The following STK4 variants were observed in gnomAD, a reference collection of about 807,000 sequenced individuals.
The protein encoded by STK4 is serine/threonine-protein kinase 4.
A neutral mutation model predicts 64.9 loss-of-function variants in STK4; 30 were observed. That is an observed-to-expected ratio of 0.46 (90% CI 0.35 to 0.63). The LOEUF (loss-of-function observed/expected upper bound fraction) is 0.63, where lower values mean the gene tolerates loss of function less well. Ranked by LOEUF, STK4 falls within the 20% of genes least tolerant of loss-of-function variation. The pLI, the probability that STK4 is intolerant of heterozygous loss-of-function variation, is 0.01. For synonymous variants in STK4, 177 were observed against 199.0 expected (o/e 0.89, Z 0.93); for missense variants, 466 against 598.5 (o/e 0.78, Z 2.31).
At position 44,995,198 on chromosome 20, in the gene STK4, A is replaced by G. The variant is rs2067706178; in HGVS notation, c.634A>G (p.Ile212Val). Residue 212 changes from isoleucine (I) to valine (V), a missense_variant, in exon 6 of 11, where the codon ATA becomes GTA. Around this residue, in one of 2 missense-constraint regions of STK4, gnomAD observed 190 missense variants for 289.7 expected, o/e 0.66. Transcript: ENST00000372806. ...TGTAGCAGACATCTGGTCCCTGGGA[A>G]TAACTGCCATAGAAATGGCTGAAGG... ...NCVADIWSLG[I>V]TAIEMAEGKP... is the part of the protein sequence containing the mutation. 1 of 1,613,824 alleles carries G rather than the reference A, an allele frequency of 6.2e-7. No individual in the cohort carries two copies. The highest frequency in any genetic ancestry group is 8.5e-7 in the Non-Finnish European group (1 of 1,179,926).
chr20:44,986,039 C>T (rs912687515), intron 4 of STK4, among the ~76,000 whole-genome samples: 1 of 152,220 alleles, frequency 6.6e-6, no homozygotes, highest in African/African-American at 2.4e-5. Context: ...CTAGCATTCT[C>T]ACTTTCAACA....
At chr20:45,053,317 T>A in intron 10 of STK4, 1 of 658,236 alleles carries the variant, frequency 1.5e-6, no homozygotes, top group Non-Finnish European at 2.6e-6. Flanking sequence ...CTGCGGTTTT[T>A]GACCTCAAGA....
Position 44,987,267 on chromosome 20 carries a change from G to A in STK4, c.496G>A (p.Ala166Thr), listed in dbSNP as rs1330083709. ...LLNTEGHAKL[A>T]DFGVAGQLTD... Reference sequence around the variant, plus strand: ...AAATACAGAAGGACATGCAAAACTTGCAGATTTTGGGGTAGCAGGTCAACT... The same window carrying A: ...AAATACAGAAGGACATGCAAAACTTACAGATTTTGGGGTAGCAGGTCAACT... The change falls in exon 5 of 11, where the codon GCA becomes ACA. Residue 166 changes from alanine to threonine, a missense_variant. By Grantham distance (58) the Ala-to-Thr change is moderately conservative. Transcript: ENST00000372806. 3.7e-6 allele frequency: 6 copies of A among 1,609,430 alleles called. No individual in the cohort carries two copies. Among genetic ancestry groups the A allele is most frequent in the Non-Finnish European group, 5.1e-6 (6 of 1,178,668 alleles).
intron 4 of STK4, among the ~76,000 whole-genome samples, chr20:44,986,067 C>T (rs2067525626): frequency 6.6e-6 from 1 of 152,244 alleles, no homozygotes; most frequent in East Asian, 1.9e-4. Flanking sequence ...TTTTCAGTGC[C>T]TACTGTGTGC....
chr20:45,000,587 G>A (rs1317239673), intron 8 of STK4, 67 bp downstream of exon 8: 2 of 1,597,554 alleles, frequency 1.3e-6, no homozygotes, highest in Middle Eastern at 1.7e-4. Context: ...GCCAAACCAG[G>A]TAAGATGAGT....
rs767621811 is a variant in STK4 at position 45,053,122 on chromosome 20, T to G, written c.1306-21896T>G. The G allele has an allele frequency of 1.9e-6, 3 of 1,612,838 alleles. No individual in the cohort carries two copies. The Admixed American group carries it at 5.0e-5, about 27-fold the overall frequency. On this transcript the variant is annotated intron_variant, in intron 10 of 10. Coordinates refer to ENST00000372806, the MANE Select transcript of STK4 (RefSeq NM_006282.5). ...AGAACAGCAGTCTGGAAAAGACATATGTATCCAAAATTGCCAGGGAAACCT... is the reference window on the plus strand; with the variant it reads ...AGAACAGCAGTCTGGAAAAGACATAGGTATCCAAAATTGCCAGGGAAACCT...
rs548482581 is a variant in STK4 at position 44,986,267 on chromosome 20, T to G, written c.361-865T>G. Among the ~76,000 whole-genome samples, 40 of 152,224 alleles carry G rather than the reference T, an allele frequency of 2.6e-4. 1 individual carries two copies. The Middle Eastern group carries it at 0.014, about 52-fold the overall frequency. On this transcript the variant is annotated intron_variant, in intron 4 of 10. Transcript: ENST00000372806. Reference sequence around the variant, plus strand: ...AGCTAGAAATGGAGTAAGAAAGCCCTCTCCATTTTCTGAGGAGGTGATATT... The same window carrying G: ...AGCTAGAAATGGAGTAAGAAAGCCCGCTCCATTTTCTGAGGAGGTGATATT...
At chr20:45,028,602 C>G (rs1444199186) in intron 10 of STK4, among the ~76,000 whole-genome samples, 1 of 152,170 alleles carries the variant, frequency 6.6e-6, no homozygotes, top group East Asian at 1.9e-4. Context: ...GCTAGGATTA[C>G]AGATATGAGC....
chr20:45,001,035 C>G (rs750268610), intron 8 of STK4, 132 bp from the exon 9 acceptor site: 1 of 999,390 alleles, frequency 1.0e-6, no homozygotes, highest in Non-Finnish European at 1.4e-6. Context: ...GCTTTCATTT[C>G]TGGAAGGTGA....
intron 9 of STK4, among the ~76,000 whole-genome samples, chr20:45,010,597 A>T (rs547885899): frequency 6.6e-6 from 1 of 152,320 alleles, no homozygotes; most frequent in African/African-American, 2.4e-5. Flanking sequence ...CATACTTGTG[A>T]TTATATAATG....
chr20:45,005,176 A>G (rs2067916087), intron 9 of STK4, among the ~76,000 whole-genome samples: 1 of 152,282 alleles, frequency 6.6e-6, no homozygotes, highest in South Asian at 2.1e-4. Context: ...GGCAAAGTGT[A>G]TGCATAAGTA....
chr20:45,024,906 T>C, intron 9 of STK4, 67 bp from the exon 10 acceptor site: 5 of 1,407,794 alleles, frequency 3.6e-6, no homozygotes, highest in Non-Finnish European at 4.7e-6. Context: ...TGGAGATATG[T>C]CTATTTATTA....
chr20:44,996,296 TC>T (rs2067728880), intron 6 of STK4, among the ~76,000 whole-genome samples: 1 of 152,088 alleles, frequency 6.6e-6, no homozygotes, highest in Non-Finnish European at 1.5e-5. Flanking sequence ...GGCTTAACTG[TC>T]CCAGAACCCT....
At chr20:44,980,592 AC>A (rs1434619703) in intron 3 of STK4, among the ~76,000 whole-genome samples, 1 of 152,254 alleles carries the variant, frequency 6.6e-6, no homozygotes, top group African/African-American at 2.4e-5. Context: ...TGTTTTTATT[AC>A]AAAGTACATA....
At chr20:45,011,645 A>T (rs2068044748) in intron 9 of STK4, among the ~76,000 whole-genome samples, 1 of 148,018 alleles carries the variant, frequency 6.8e-6, no homozygotes, top group Admixed American at 6.8e-5. Flanking sequence ...AACTGAATAA[A>T]TTTTTTAAAA....
chr20:44,988,755 A>T (rs1470346744), intron 5 of STK4, among the ~76,000 whole-genome samples: 1 of 151,646 alleles, frequency 6.6e-6, no homozygotes, highest in Non-Finnish European at 1.5e-5. Flanking sequence ...CATTTTCATC[A>T]TCCTCAAAAT....
chr20:45,053,220 T>C, intron 10 of STK4: 1 of 1,515,440 alleles, frequency 6.6e-7, no homozygotes, highest in Non-Finnish European at 9.1e-7. Context: ...CACAGTAGCC[T>C]GGTTCTGCTG....
At chr20:44,986,074 G>T (rs1229296936) in intron 4 of STK4, among the ~76,000 whole-genome samples, 7 of 152,202 alleles carry the variant, frequency 4.6e-5, no homozygotes, top group Non-Finnish European at 1.5e-5. Flanking sequence ...TGCCTACTGT[G>T]TGCCAGGTGG....
chr20:44,973,685 T>TTAC (rs1203966839), intron 2 of STK4, among the ~76,000 whole-genome samples: 1 of 152,254 alleles, frequency 6.6e-6, no homozygotes, highest in African/African-American at 2.4e-5. Flanking sequence ...GCTCTACTGT[T>TTAC]TACTGGTCAT....
Sources: allele counts gnomAD v4.1 joint callset (sites outside exome capture counted in the v4.1 genomes callset), GRCh38; gene constraint gnomAD v4.1.1; regional missense constraint gnomAD v4.1.1; transcripts MANE v1.5; gene names NCBI Gene and HGNC (gene_info 2026-07-23, HGNC 2026-07-21).